POSTN: variants seen among roughly 807,000 people sequenced by gnomAD.
POSTN encodes the protein periostin, also known as osteoblast specific factor 2 (fasciclin I-like).
Under a neutral mutation model 104.5 loss-of-function variants are expected in POSTN, and 71 were observed. The observed-to-expected ratio is 0.68, with a 90% CI of 0.56 to 0.83. The LOEUF (loss-of-function observed/expected upper bound fraction) is 0.83. POSTN is among the 40% of genes least tolerant of loss of function. The pLI is 0.00. For synonymous variants in POSTN, 355 were observed against 340.7 expected (o/e 1.04, Z -0.46); for missense variants, 949 against 1,006.8 (o/e 0.94, Z 0.78).
chr13:37,589,854 G>A (rs1924306), intron 4 of POSTN, among the ~76,000 whole-genome samples: 36,306 of 151,728 alleles, frequency 0.24, 4,955 homozygotes, highest in East Asian at 0.68. Flanking sequence ...TTGTAAATTA[G>A]ACTGTGCACA....
intron 16 of POSTN, 68 bp downstream of exon 16, chr13:37,577,685 A>G (rs1420938693): frequency 6.4e-7 from 1 of 1,571,484 alleles, no homozygotes; most frequent in South Asian, 1.2e-5. Flanking sequence ...CTGTAAATAC[A>G]AAGAAATGTA....
chr13:37,586,389 G>A (rs1950746374), intron 6 of POSTN, 109 bp from the exon 7 acceptor site: 4 of 1,165,782 alleles, frequency 3.4e-6, no homozygotes, highest in African/African-American at 3.1e-5. Flanking sequence ...ACACTATAGA[G>A]GTTTGTTGTT....
rs115891078 is a variant in POSTN at position 37,572,929 on chromosome 13, G to A, written c.2090-1471C>T. On this transcript the variant is annotated intron_variant, in intron 17 of 22. Coordinates refer to ENST00000379747, the MANE Select transcript of POSTN (RefSeq NM_006475.3). Reference sequence around the variant, plus strand: ...GTTTCCTTCATTATGCTACACAGGAGTGTAATTTCTGAACTCAAGTTATTA... The same window carrying A: ...GTTTCCTTCATTATGCTACACAGGAATGTAATTTCTGAACTCAAGTTATTA... Among the ~76,000 whole-genome samples, 252 of 151,656 alleles carry A rather than the reference G, an allele frequency of 1.7e-3. 2 individuals are homozygous for A. Among genetic ancestry groups the A allele is most frequent in the African/African-American group, 5.8e-3 (240 of 41,502 alleles).
At chr13:37,575,460 T>A (rs1334860017) in intron 16 of POSTN, among the ~76,000 whole-genome samples, 2 of 149,704 alleles carry the variant, frequency 1.3e-5, no homozygotes, top group African/African-American at 2.5e-5. Context: ...CCTAGATCTA[T>A]AATAAAAGTA....
intron 21 of POSTN, among the ~76,000 whole-genome samples, chr13:37,567,396 T>G (rs145560660): frequency 4.6e-5 from 7 of 151,858 alleles, no homozygotes; most frequent in African/African-American, 1.4e-4. Context: ...TCTTACATAG[T>G]GTAATCTTTA....
intron 17 of POSTN, 59 bp from the exon 18 acceptor site, chr13:37,571,517 G>A: frequency 3.2e-6 from 4 of 1,266,128 alleles, no homozygotes; most frequent in Non-Finnish European, 4.5e-6. Flanking sequence ...AAATTTACCG[G>A]AATAGGACAT....
Position 37,589,212 on chromosome 13 carries a change from A to G in POSTN, c.441+1160T>C, listed in dbSNP as rs574511635. Among the ~76,000 whole-genome samples the G allele has an allele frequency of 2.6e-5, 4 of 152,324 alleles. No homozygotes were observed. In the East Asian group the frequency reaches 7.7e-4, roughly 29 times the overall value. Reference sequence around the variant, plus strand: ...TATTCTACTGAGGTTCCAAGAAGAAACAAGTCCAAACAACAAGCGTAGGTT... The same window carrying G: ...TATTCTACTGAGGTTCCAAGAAGAAGCAAGTCCAAACAACAAGCGTAGGTT... On this transcript the variant is annotated intron_variant, in intron 4 of 22. Coordinates refer to ENST00000379747, the MANE Select transcript of POSTN (RefSeq NM_006475.3).
intron 5 of POSTN, among the ~76,000 whole-genome samples, chr13:37,587,184 T>C (rs372564680): frequency 2.0e-5 from 3 of 152,256 alleles, no homozygotes; most frequent in South Asian, 4.2e-4. Context: ...CAAAGGTGTT[T>C]TTTTCATTTA....
intron 7 of POSTN, among the ~76,000 whole-genome samples, chr13:37,585,541 CAAAT>C (rs1950719512): frequency 6.6e-6 from 1 of 152,066 alleles, no homozygotes. Context: ...AGAAAGTAAC[CAAAT>C]AAAGATGATT....
chr13:37,595,378 C>T (rs1349365681), intron 2 of POSTN, among the ~76,000 whole-genome samples: 1 of 152,112 alleles, frequency 6.6e-6, no homozygotes, highest in Non-Finnish European at 1.5e-5. Flanking sequence ...GTGAATGACT[C>T]ACAAGTCTAG....
chr13:37,577,447 G>A (rs1195721830), intron 16 of POSTN, among the ~76,000 whole-genome samples: 2 of 152,144 alleles, frequency 1.3e-5, no homozygotes, highest in Non-Finnish European at 2.9e-5. Flanking sequence ...TATTTCTAGA[G>A]GGTCTTTTCG....
At chr13:37,568,024 T>G (rs182980199) in intron 21 of POSTN, among the ~76,000 whole-genome samples, 1 of 152,144 alleles carries the variant, frequency 6.6e-6, no homozygotes, top group Non-Finnish European at 1.5e-5. Flanking sequence ...AAAAAAGAAT[T>G]CAATTTAATC....
In POSTN at chr13:37,578,840, G is replaced by A. The variant is rs761515179; in HGVS notation, c.1962+4C>T. The A allele has an allele frequency of 3.2e-5, 37 of 1,149,594 alleles. No homozygotes were observed. The highest frequency in any genetic ancestry group is 2.2e-4 in the Middle Eastern group (1 of 4,642). 71.2% of individuals were successfully genotyped at this position (1,149,594 alleles called of 1,614,324 possible). On this transcript the variant is annotated splice_donor_region_variant and intron_variant, in intron 15 of 22. Coordinates refer to ENST00000379747, the MANE Select transcript of POSTN (RefSeq NM_006475.3). ...AAAGAAATAAATCAAGTAACTTTTA[G>A]TACCTTAATTTGGATGTATTTGATT...
Position 37,583,968 on chromosome 13 carries a change from C to T in POSTN, c.1243+1G>A, listed in dbSNP as rs2138303915. On this transcript the variant is annotated splice_donor_variant, in intron 9 of 22. Coordinates refer to ENST00000379747, the MANE Select transcript of POSTN (RefSeq NM_006475.3). LOFTEE classifies it high-confidence loss of function. Reference sequence around the variant, plus strand: ...CAGGAACAACAGTGTCCAGCACATACCAGAAAATGCATTATTCACAGGTGC... The same window carrying T: ...CAGGAACAACAGTGTCCAGCACATATCAGAAAATGCATTATTCACAGGTGC... The T allele has an allele frequency of 6.2e-7, 1 of 1,613,368 alleles. No individual in the cohort carries two copies. The highest frequency in any genetic ancestry group is 8.5e-7 in the Non-Finnish European group (1 of 1,179,646).
At position 37,586,834 on chromosome 13, in the gene POSTN, C is replaced by T; in HGVS notation, c.701G>A (p.Gly234Asp). Residue 234 changes from glycine to aspartate, a missense_variant, in exon 6 of 23, where the codon GGT (glycine) becomes GAT (aspartate). Coordinates refer to ENST00000379747, the MANE Select transcript of POSTN (RefSeq NM_006475.3). ...HVIDRVLTQI[G>D]TSIQDFIEAE... ...TTCAATGAAGTCTTGAATTGAGGTA[C>T]CAATTTGTGTAAGCACACGGTCAAT... 1 of 1,612,670 alleles carries T rather than the reference C, an allele frequency of 6.2e-7. No individual in the cohort carries two copies. The highest frequency in any genetic ancestry group is 8.5e-7 in the Non-Finnish European group (1 of 1,179,064).
rs770059655 is a variant in POSTN, at chr13:37,598,605, T to TAA, written c.119+2_119+3insTT. The stretch of plus-strand genomic sequence containing the variant: ...GGTTTATAAAACCAAACCACTCACT[T>TAA]ACCCTTGGTCCCGACCCCTGATACG... On this transcript the variant is annotated splice_region_variant and intron_variant, in intron 1 of 22. Transcript: ENST00000379747. The TAA allele has an allele frequency of 6.2e-7, 1 of 1,606,786 alleles. No individual in the cohort carries two copies. The highest frequency in any genetic ancestry group is 8.5e-7 in the Non-Finnish European group (1 of 1,175,246).
At chr13:37,563,991 G>T (rs988046313) in intron 22 of POSTN, among the ~76,000 whole-genome samples, 3 of 151,042 alleles carry the variant, frequency 2.0e-5, no homozygotes, top group African/African-American at 7.3e-5. Context: ...TATATTAATG[G>T]TTTTTTGCAT....
At chr13:37,592,064 T>G (rs768206531) in intron 3 of POSTN, 36 bp downstream of exon 3, 2 of 1,472,614 alleles carry the variant, frequency 1.4e-6, no homozygotes, top group Non-Finnish European at 1.9e-6. Flanking sequence ...TCTTTGCATA[T>G]AATTCCTTAT....
intron 21 of POSTN, chr13:37,568,912 T>G (rs1366317508): frequency 6.5e-6 from 1 of 154,952 alleles, no homozygotes; most frequent in African/African-American, 2.4e-5. Context: ...AGACATGCCT[T>G]GATTGCTCTT....
Sources: gnomAD v4.1 joint callset for allele counts (sites outside exome capture counted in the v4.1 genomes callset) on GRCh38, gnomAD v4.1.1 for gene constraint, MANE v1.5 for transcripts, NCBI Gene and HGNC (gene_info 2026-07-23, HGNC 2026-07-21) for gene names.